ADAMTS6: variants seen among roughly 807,000 people sequenced by gnomAD.
ADAMTS6 encodes A disintegrin and metalloproteinase with thrombospondin motifs 6.
ADAMTS6 carries 23 observed loss-of-function variants against 144.3 expected under a neutral mutation model. That is an observed-to-expected ratio of 0.16 (90% CI 0.11 to 0.23). ADAMTS6 has a LOEUF of 0.23. Ranked by LOEUF, ADAMTS6 falls within the 10% of genes least tolerant of loss-of-function variation. The pLI, the probability that ADAMTS6 is intolerant of heterozygous loss-of-function variation, is 1.00. For missense variants in ADAMTS6, 999 were observed against 1,379.6 expected (o/e 0.72, Z 4.37); for synonymous variants, 444 against 457.5 (o/e 0.97, Z 0.38).
At chr5:65,300,372 C>T (rs1367403596) in intron 9 of ADAMTS6, among the ~76,000 whole-genome samples, 2 of 152,182 alleles carry the variant, frequency 1.3e-5, no homozygotes, top group African/African-American at 4.8e-5. Context: ...CCTGTTATCG[C>T]ACGTTTCAAT....
intron 22 of ADAMTS6, among the ~76,000 whole-genome samples, chr5:65,180,215 G>C (rs1306842446): frequency 6.6e-6 from 1 of 152,146 alleles, no homozygotes; most frequent in East Asian, 1.9e-4. Flanking sequence ...AAATTTTTCA[G>C]ATGAACATCA....
chr5:65,479,337 A>C (rs1761049579), intron 1 of ADAMTS6, among the ~76,000 whole-genome samples: 1 of 152,226 alleles, frequency 6.6e-6, no homozygotes, highest in Non-Finnish European at 1.5e-5. Flanking sequence ...GAAAGGTGAA[A>C]CTAAACACAT....
intron 7 of ADAMTS6, among the ~76,000 whole-genome samples, chr5:65,390,055 A>T (rs367981975): frequency 1.3e-5 from 2 of 152,208 alleles, no homozygotes; most frequent in East Asian, 3.8e-4. Flanking sequence ...GCACTCTTGA[A>T]CAATTCTGAA....
At chr5:65,390,411 A>G (rs1451542846) in intron 7 of ADAMTS6, among the ~76,000 whole-genome samples, 1 of 152,196 alleles carries the variant, frequency 6.6e-6, no homozygotes, top group South Asian at 2.1e-4. Flanking sequence ...ACTAGAGTAG[A>G]TTAGAGGATT....
chr5:65,167,066 A>G (rs1430168046), intron 24 of ADAMTS6, among the ~76,000 whole-genome samples: 9 of 144,866 alleles, frequency 6.2e-5, no homozygotes, highest in African/African-American at 1.8e-4. Flanking sequence ...GACACAAAAA[A>G]CCCTTCAAAA....
intron 7 of ADAMTS6, among the ~76,000 whole-genome samples, chr5:65,411,191 T>A (rs1170935194): frequency 6.6e-6 from 1 of 152,142 alleles, no homozygotes; most frequent in Non-Finnish European, 1.5e-5. Context: ...ATCATATTTT[T>A]AAAATCTATT....
At chr5:65,475,628 C>T (rs542573817) in intron 1 of ADAMTS6, among the ~76,000 whole-genome samples, 4 of 151,984 alleles carry the variant, frequency 2.6e-5, no homozygotes, top group South Asian at 2.1e-4. Flanking sequence ...AGATAGATCC[C>T]GGAAGACGAA....
chr5:65,223,801 A>ATT lies in ADAMTS6; in HGVS notation c.2272+517_2272+518dup, dbSNP rs774556245. 1.9e-3 allele frequency among the ~76,000 whole-genome samples: 259 copies of ATT among 137,890 alleles called. 2 individuals are homozygous for ATT. The highest frequency in any genetic ancestry group is 8.7e-3 in the South Asian group (38 of 4,356). The allele number at this position is 137,890 out of a possible 152,430, so 90.5% of individuals were successfully genotyped here. ...GTGTAGATATCTCTTTGAGATAGTG[A>ATT]TTTTTTTTTTTTTTTTGAGACGGAG... On this transcript the variant is annotated intron_variant, in intron 18 of 24. Transcript: ENST00000381055.
At chr5:65,248,582 C>A (rs1202115085) in intron 14 of ADAMTS6, among the ~76,000 whole-genome samples, 3 of 152,068 alleles carry the variant, frequency 2.0e-5, no homozygotes, top group Non-Finnish European at 2.9e-5. Flanking sequence ...GGGTGGATCG[C>A]TCGAGTTCAG....
At position 65,242,153 on chromosome 5, in the gene ADAMTS6, G is replaced by A. The variant is rs1365817276; in HGVS notation, c.1884C>T (p.Asp628=). 6.2e-7 allele frequency: 1 copy of A among 1,603,772 alleles called. No individual in the cohort carries two copies. The highest frequency in any genetic ancestry group is 1.3e-5 in the African/African-American group (1 of 74,748). The change falls in exon 15 of 25, where the codon GAC becomes GAT. Residue 628 remains aspartate, a synonymous_variant. Coordinates refer to ENST00000381055, the MANE Select transcript of ADAMTS6 (RefSeq NM_197941.4). ...AATACTTTCCTCGGAAAGGCATATT[G>A]TCAAAGTCTGCACACTGTTTCTCTC... ...DFREKQCADF[D]NMPFRGKYYN... is the part of the protein sequence containing the mutation.
At chr5:65,195,130 GACTC>G (rs1755252208) in intron 21 of ADAMTS6, among the ~76,000 whole-genome samples, 1 of 152,162 alleles carries the variant, frequency 6.6e-6, no homozygotes, top group South Asian at 2.1e-4. Flanking sequence ...AATAGACTGA[GACTC>G]ACAATGACAT....
chr5:65,170,512 A>T (rs996442011), intron 24 of ADAMTS6, 105 bp downstream of exon 24: 2 of 1,308,276 alleles, frequency 1.5e-6, no homozygotes, highest in African/African-American at 2.9e-5. Context: ...CAAATGCTCT[A>T]CTCAAACTAC....
chr5:65,418,408 A>G (rs1328301990), intron 7 of ADAMTS6, among the ~76,000 whole-genome samples: 2 of 152,104 alleles, frequency 1.3e-5, no homozygotes, highest in Non-Finnish European at 2.9e-5. Context: ...AAACAGCAAA[A>G]AAAACTATCA....
At chr5:65,196,897 G>T in intron 21 of ADAMTS6, 125 bp downstream of exon 21, 2 of 1,187,048 alleles carry the variant, frequency 1.7e-6, no homozygotes, top group South Asian at 2.2e-5. Context: ...TCCCTCTCAG[G>T]ATGTTTTCTA....
intron 11 of ADAMTS6, among the ~76,000 whole-genome samples, chr5:65,275,392 AAAGAAAGAAAGAAAGAAAG>A (rs1424180726): frequency 8.2e-5 from 12 of 147,186 alleles, no homozygotes; most frequent in African/African-American, 3.1e-4. Flanking sequence ...AGAAAGAAAG[AAAGAAAGAAAGAAAGAAAG>A]AAAGAAAAGA....
rs1170283705 is a variant in ADAMTS6 at position 65,151,807 on chromosome 5, A to T, written c.*29T>A. 1 of 1,578,750 alleles carries T rather than the reference A, an allele frequency of 6.3e-7. No individual in the cohort carries two copies. Among genetic ancestry groups the T allele is most frequent in the Non-Finnish European group, 8.7e-7 (1 of 1,149,470 alleles). ...ATGGATGCATTTCCATGATGAAATG[A>T]CAAGGCACTCTCTCTGGCTTTCTGT... On this transcript the variant is annotated 3_prime_UTR_variant, in exon 25 of 25. Transcript: ENST00000381055.
intron 7 of ADAMTS6, among the ~76,000 whole-genome samples, chr5:65,403,653 C>T (rs1022074588): frequency 1.3e-5 from 2 of 152,152 alleles, no homozygotes; most frequent in African/African-American, 4.8e-5. Context: ...TAGAATGAGA[C>T]AACTAGTTAC....
intron 24 of ADAMTS6, among the ~76,000 whole-genome samples, chr5:65,157,978 C>T (rs1472573101): frequency 6.6e-6 from 1 of 152,188 alleles, no homozygotes; most frequent in Non-Finnish European, 1.5e-5. Flanking sequence ...ATTCCTTTCT[C>T]TCTTTGCTTT....
At chr5:65,376,541 A>G (rs927147815) in intron 7 of ADAMTS6, among the ~76,000 whole-genome samples, 1 of 152,148 alleles carries the variant, frequency 6.6e-6, no homozygotes, top group Non-Finnish European at 1.5e-5. Context: ...CACTTAAAAC[A>G]GCTTTACAGG....
Sources: gnomAD v4.1 joint callset for allele counts (sites outside exome capture counted in the v4.1 genomes callset) on GRCh38, gnomAD v4.1.1 for gene constraint, MANE v1.5 for transcripts, NCBI Gene and HGNC (gene_info 2026-07-23, HGNC 2026-07-21) for gene names.